Variants in PCSK5 observed in about 807,000 individuals in gnomAD.
PCSK5 encodes prohormone convertase 5.
In PCSK5, 129 loss-of-function variants were observed where a neutral mutation model predicts 233.2. That is an observed-to-expected ratio of 0.55 (90% CI 0.48 to 0.64). The LOEUF (loss-of-function observed/expected upper bound fraction) is 0.64, where lower values mean the gene tolerates loss of function less well. Ranked by LOEUF, PCSK5 falls within the 30% of genes least tolerant of loss-of-function variation. PCSK5 has a pLI of 0.00. For synonymous variants in PCSK5, 825 were observed against 879.2 expected, an observed-to-expected ratio of 0.94 and a Z score of 1.09; for missense variants, 2,076 against 2,430.1, an observed-to-expected ratio of 0.85 and a Z score of 3.06.
intron 24 of PCSK5, among the ~76,000 whole-genome samples, chr9:76,241,421 G>A (rs776728582): frequency 4.6e-5 from 7 of 152,320 alleles, no homozygotes; most frequent in Middle Eastern, 3.4e-3. Flanking sequence ...CAGCCTGGGC[G>A]ACAGAGCCAG....
intron 37 of PCSK5, 68 bp downstream of exon 37, chr9:76,354,287 G>A (rs958856077): frequency 7.8e-7 from 1 of 1,285,728 alleles, no homozygotes. Context: ...GGAGCAGAGG[G>A]AGGGGGGGAT....
At position 76,179,714 on chromosome 9, in the gene PCSK5, A is replaced by G; in HGVS notation, c.2003+16A>G. 6.5e-7 allele frequency: 1 copy of G among 1,540,740 alleles called. No homozygotes were observed. On this transcript the variant is annotated intron_variant, in intron 15 of 37. Coordinates refer to ENST00000674117, the MANE Select transcript of PCSK5 (RefSeq NM_001372043.1). The stretch of plus-strand genomic sequence containing the variant: ...ACAATACCAGGTAAGAGAGGTGCCA[A>G]GTCACATCCCCACAGCATGTGCCAG...
chr9:75,934,769 A>G (rs1025629795), intron 2 of PCSK5, among the ~76,000 whole-genome samples: 3 of 151,760 alleles, frequency 2.0e-5, no homozygotes. Context: ...ATTAGTAGAG[A>G]TGGGGTTTCA....
intron 20 of PCSK5, among the ~76,000 whole-genome samples, chr9:76,196,271 A>G (rs1239451210): frequency 6.6e-6 from 1 of 152,234 alleles, no homozygotes; most frequent in African/African-American, 2.4e-5. Flanking sequence ...CTGTAGGGTT[A>G]GGAGCCATGG....
intron 1 of PCSK5, among the ~76,000 whole-genome samples, chr9:75,908,941 GTCTATCTATCTATCTATCTATCTATCTA>G (rs58082978): frequency 6.0e-5 from 7 of 116,642 alleles, no homozygotes; most frequent in East Asian, 2.7e-4. Flanking sequence ...CTCTCTCTCT[GTCTATCTATCTATCTATCTATCTATCTA>G]TCTATCTATC....
At chr9:76,322,955 T>A (rs1587327447) in intron 31 of PCSK5, 97 bp from the exon 32 acceptor site, 2 of 692,516 alleles carry the variant, frequency 2.9e-6, no homozygotes, top group South Asian at 1.7e-5. Flanking sequence ...TCAGGTCAAA[T>A]CAACCAAAGT....
chr9:76,243,851 G>T (rs888386044), intron 24 of PCSK5, among the ~76,000 whole-genome samples: 12 of 152,280 alleles, frequency 7.9e-5, no homozygotes, highest in Admixed American at 5.2e-4. Context: ...GATACCCAGG[G>T]TCTTAGATTT....
At chr9:76,097,986 GGTTGGGGTCACTCTA>G (rs2131659145) in intron 8 of PCSK5, among the ~76,000 whole-genome samples, 1 of 152,328 alleles carries the variant, frequency 6.6e-6, no homozygotes, top group South Asian at 2.1e-4. Flanking sequence ...GATCTACGCA[GGTTGGGGTCACTCTA>G]GTGGTGCTCC....
intron 10 of PCSK5, among the ~76,000 whole-genome samples, chr9:76,144,986 G>A (rs749614127): frequency 1.9e-4 from 29 of 151,876 alleles, no homozygotes; most frequent in Non-Finnish European, 3.4e-4. Context: ...TTAGCTGGGT[G>A]TGGTGGTGGG....
At chr9:75,931,221 A>G (rs1271332272) in intron 1 of PCSK5, among the ~76,000 whole-genome samples, 2 of 147,478 alleles carry the variant, frequency 1.4e-5, no homozygotes, top group African/African-American at 2.5e-5. Flanking sequence ...TAAACTTTTT[A>G]TCTGGAAAAA....
Position 75,975,822 on chromosome 9 carries a change from T to C in PCSK5, c.298-10310T>C, listed in dbSNP as rs184926036. ...TTTATTAATTACCTTGCCTTGGCTT[T>C]CGAATTGCTTAGAGGATGATTATTC... On this transcript the variant is annotated intron_variant, in intron 2 of 37. Transcript: ENST00000674117. Among the ~76,000 whole-genome samples, 159 of 152,352 alleles carry C rather than the reference T, an allele frequency of 1.0e-3. 1 individual carries two copies. The highest frequency in any genetic ancestry group is 3.7e-3 in the African/African-American group (155 of 41,578).
intron 5 of PCSK5, among the ~76,000 whole-genome samples, chr9:76,058,338 AACC>A (rs1564001067): frequency 6.6e-6 from 1 of 152,152 alleles, no homozygotes; most frequent in Non-Finnish European, 1.5e-5. Flanking sequence ...ATTCTGCGTA[AACC>A]AGAACCCCTG....
chr9:76,304,400 C>T (rs76340843), intron 28 of PCSK5, among the ~76,000 whole-genome samples: 12,282 of 152,210 alleles, frequency 0.081, 529 homozygotes, highest in African/African-American at 0.1. Flanking sequence ...ATTGTCATCA[C>T]AGAAGCTGAG....
chr9:75,893,354 A>G (rs1825688465), intron 1 of PCSK5, among the ~76,000 whole-genome samples: 1 of 152,130 alleles, frequency 6.6e-6, no homozygotes. Flanking sequence ...TCCCCCATGG[A>G]TCCTGCCTTT....
At chr9:76,213,123 C>T (rs1447409202) in intron 20 of PCSK5, among the ~76,000 whole-genome samples, 2 of 152,216 alleles carry the variant, frequency 1.3e-5, no homozygotes, top group Non-Finnish European at 2.9e-5. Flanking sequence ...CACCGACCTA[C>T]TCAAAACCAT....
intron 2 of PCSK5, among the ~76,000 whole-genome samples, chr9:75,977,653 C>T (rs1468479294): frequency 6.6e-6 from 1 of 150,928 alleles, no homozygotes; most frequent in Non-Finnish European, 1.5e-5. Flanking sequence ...CTCTGTGACC[C>T]AGGCAGGAGT....
intron 3 of PCSK5, among the ~76,000 whole-genome samples, chr9:75,994,027 C>T (rs920987207): frequency 6.6e-6 from 1 of 152,174 alleles, no homozygotes; most frequent in African/African-American, 2.4e-5. Context: ...CAGGAACCCT[C>T]CCGAAACTCA....
intron 36 of PCSK5, among the ~76,000 whole-genome samples, 174 bp downstream of exon 36, chr9:76,351,102 C>A (rs1447676068): frequency 6.6e-6 from 1 of 152,072 alleles, no homozygotes; most frequent in Non-Finnish European, 1.5e-5. Flanking sequence ...AATGGTGCTA[C>A]CCACCTGTAG....
chr9:76,174,598 C>T (rs762004534), intron 13 of PCSK5, among the ~76,000 whole-genome samples: 30 of 152,104 alleles, frequency 2.0e-4, no homozygotes, highest in Non-Finnish European at 4.1e-4. Context: ...GCATGAGCCA[C>T]CGCACCGGGC....
Sources: allele counts gnomAD v4.1 joint callset (sites outside exome capture counted in the v4.1 genomes callset), GRCh38; gene constraint gnomAD v4.1.1; transcripts MANE v1.5; gene names NCBI Gene and HGNC (gene_info 2026-07-23, HGNC 2026-07-21).